The following COMMD4 variants were observed in gnomAD, a reference collection of about 807,000 sequenced individuals.
The protein encoded by COMMD4 is COMM domain-containing protein 4.
Under a neutral mutation model 27.5 loss-of-function variants are expected in COMMD4, and 18 were observed. That is an observed-to-expected ratio of 0.65 (90% CI 0.45 to 0.97). The LOEUF is 0.97. Ranked by LOEUF, COMMD4 falls within the 50% of genes least tolerant of loss-of-function variation. The probability of loss-of-function intolerance (pLI) is 0.00; values close to 1 mark genes in which losing one functional copy is unlikely to be tolerated. For missense variants in COMMD4, 243 were observed against 250.0 expected, an observed-to-expected ratio of 0.97 and a Z score of 0.19; for synonymous variants, 108 against 108.4, an observed-to-expected ratio of 1.00 and a Z score of 0.02.
At chr15:75,341,033 G>A (rs1172394473), downstream of COMMD4, 1 of 152,238 alleles carries the variant, frequency 6.6e-6, no homozygotes, top group Non-Finnish European at 1.5e-5. Context: ...GAATGTTCAT[G>A]TTCCTCCAGA....
At chr15:75,338,622 C>G (rs751084441) in intron 3 of COMMD4, 24 bp from the exon 4 acceptor site, 10 of 1,613,534 alleles carry the variant, frequency 6.2e-6, no homozygotes, top group Middle Eastern at 1.7e-4. Flanking sequence ...CCTGGCACCC[C>G]CTGAAGGTCT....
Position 75,336,069 on chromosome 15 carries a change from G to A in COMMD4, c.-21G>A, listed in dbSNP as rs372819742. On this transcript the variant is annotated 5_prime_UTR_variant, in exon 1 of 8. Coordinates refer to ENST00000267935, the MANE Select transcript of COMMD4 (RefSeq NM_017828.5). Reference sequence around the variant, plus strand: ...TGCGGGACCGGAAAAAGAAATTCCCGGGCCCTGGCTTCTTGGCGCGATGGT... The same window carrying A: ...TGCGGGACCGGAAAAAGAAATTCCCAGGCCCTGGCTTCTTGGCGCGATGGT... 11 of 1,549,548 alleles carry A rather than the reference G, an allele frequency of 7.1e-6. No homozygotes were observed. The African/African-American group carries it at 1.1e-4, about 15-fold the overall frequency.
Position 75,339,343 on chromosome 15 carries a change from C to G in COMMD4, c.381C>G (p.Arg127=). The G allele has an allele frequency of 6.2e-7, 1 of 1,610,976 alleles. No homozygotes were observed. Among genetic ancestry groups the G allele is most frequent in the Non-Finnish European group, 8.5e-7 (1 of 1,179,448 alleles). ...AGCACTTGCGGGTCTGCAGCCTACG[C>G]AGTAAGTATGAGGCCAGCCAGGGTC... ...LQKHLRVCSL[R]MNRLAGVGWR... The change falls in exon 6 of 8, where the codon CGC becomes CGG. Residue 127 remains arginine, a splice_region_variant and synonymous_variant. Coordinates refer to ENST00000267935, the MANE Select transcript of COMMD4 (RefSeq NM_017828.5).
downstream of COMMD4, chr15:75,341,591 G>A (rs751849410): frequency 3.3e-5 from 5 of 152,260 alleles, no homozygotes; most frequent in East Asian, 9.7e-4. Context: ...AGGCACCCTA[G>A]CCTGGCTGGG....
At chr15:75,342,144 A>G (rs2071433616), downstream of COMMD4, 1 of 151,764 alleles carries the variant, frequency 6.6e-6, no homozygotes, top group Non-Finnish European at 1.5e-5. Context: ...AAAAAGCAGA[A>G]GGTTCTGTCA....
intron 1 of COMMD4, 188 bp downstream of exon 1, chr15:75,336,280 C>T (rs1488913443): frequency 2.7e-6 from 4 of 1,489,062 alleles, no homozygotes; most frequent in Admixed American, 2.2e-5. Context: ...GGCGGGGGTA[C>T]GGGGCGGGTA....
Position 75,338,420 on chromosome 15 carries a change from T to C in COMMD4, c.141T>C (p.Asp47=). The stretch of plus-strand genomic sequence containing the variant: ...AGGAGCTGCTGGGACAGGGGATTGA[T>C]GTGAGTACAAGATCCAGCACCCCAT... ...VLKELLGQGI[D]YEKILKLTAD... The change falls in exon 3 of 8, where the codon GAT becomes GAC. Residue 47 remains aspartate (D), a splice_region_variant and synonymous_variant. Transcript: ENST00000267935. The C allele has an allele frequency of 6.2e-7, 1 of 1,604,624 alleles. No individual in the cohort carries two copies. Among genetic ancestry groups the C allele is most frequent in the South Asian group, 1.1e-5 (1 of 89,704 alleles).
chr15:75,336,348 C>T (rs2071186262), intron 1 of COMMD4: 3 of 1,284,528 alleles, frequency 2.3e-6, no homozygotes, highest in Admixed American at 3.0e-5. Flanking sequence ...AAGGAAGGGC[C>T]CCTGCCTCCC....
downstream of COMMD4, chr15:75,342,010 G>A (rs544160818): frequency 7.4e-6 from 1 of 134,274 alleles, no homozygotes; most frequent in South Asian, 2.5e-4. Flanking sequence ...TGAGGCTGCA[G>A]TGAGCTGTGA....
intron 5 of COMMD4, 75 bp downstream of exon 5, chr15:75,339,179 C>T: frequency 6.2e-7 from 1 of 1,612,080 alleles, no homozygotes; most frequent in Non-Finnish European, 8.5e-7. Flanking sequence ...CCCTGTGACC[C>T]TGAGGTGTAC....
chr15:75,336,828 AG>A (rs1446696549), intron 1 of COMMD4: 1 of 152,456 alleles, frequency 6.6e-6, no homozygotes, highest in African/African-American at 2.4e-5. Context: ...TTTGTGTACC[AG>A]GGGTAGGGAG....
At chr15:75,339,169 C>G in intron 5 of COMMD4, 65 bp downstream of exon 5, 1 of 1,612,178 alleles carries the variant, frequency 6.2e-7, no homozygotes, top group Non-Finnish European at 8.5e-7. Context: ...AGGGGACAGG[C>G]CCTGTGACCC....
chr15:75,336,266 C>T lies in COMMD4; in HGVS notation c.3+174C>T, dbSNP rs1484464751. ...GTCCACCACTCTCCCGCTCCCGAGA[C>T]GGGGGCGGGGGTACGGGGCGGGTAA... On this transcript the variant is annotated intron_variant, in intron 1 of 7. Transcript: ENST00000267935. The T allele has an allele frequency of 1.1e-5, 16 of 1,501,954 alleles. No individual in the cohort carries two copies. In the African/African-American group the frequency reaches 2.0e-4, roughly 18 times the overall value. The allele number at this position is 1,501,954 out of a possible 1,614,324, so 93.0% of individuals were successfully genotyped here. A position where few individuals can be genotyped will look rare whatever the true frequency, so the allele number is the denominator to read the frequency against.
At chr15:75,336,172 G>A (rs2071171689) in intron 1 of COMMD4, 80 bp downstream of exon 1, 1 of 1,549,458 alleles carries the variant, frequency 6.5e-7, no homozygotes, top group Non-Finnish European at 8.7e-7. Flanking sequence ...GAAACTGGGG[G>A]AGGTTGTACT....
chr15:75,337,821 A>G (rs1019360450), intron 1 of COMMD4: 23 of 569,596 alleles, frequency 4.0e-5, no homozygotes, highest in African/African-American at 2.8e-4. Flanking sequence ...AAGGTGCTTA[A>G]TTGATGTTTG....
In COMMD4 at chr15:75,340,101, G is replaced by T; in HGVS notation, c.*96G>T. On this transcript the variant is annotated 3_prime_UTR_variant, in exon 8 of 8. Transcript: ENST00000267935. ...CGGGAGGCAGCCCTGGTTCTAGGAT[G>T]CTGAGGCCCTGGCCCGGACTCTGGC... 6.9e-7 allele frequency: 1 copy of T among 1,448,752 alleles called. No individual in the cohort carries two copies. The allele number at this position is 1,448,752 out of a possible 1,614,324, so 89.7% of individuals were successfully genotyped here.
At position 75,339,559 on chromosome 15, in the gene COMMD4, C is replaced by T. The variant is rs963835718; in HGVS notation, c.383-143C>T. 2.2e-5 allele frequency: 25 copies of T among 1,146,656 alleles called. No individual in the cohort carries two copies. The Admixed American group carries it at 5.8e-4, about 27-fold the overall frequency. 71.0% of individuals were successfully genotyped at this position (1,146,656 alleles called of 1,614,324 possible). ...TCAGAACTGATTATCGGGCACCTGC[C>T]CTGTTCTGAGCCTGGGTCAGCAGGA... On this transcript the variant is annotated intron_variant, in intron 6 of 7. Transcript: ENST00000267935.
chr15:75,339,443 C>G, intron 6 of COMMD4, 99 bp downstream of exon 6: 1 of 1,519,204 alleles, frequency 6.6e-7, no homozygotes, highest in Non-Finnish European at 8.9e-7. Context: ...ACCACGGTCA[C>G]ATGGTTACTA....
At chr15:75,339,452 T>C in intron 6 of COMMD4, 108 bp downstream of exon 6, 1 of 1,479,440 alleles carries the variant, frequency 6.8e-7, no homozygotes. Context: ...ACATGGTTAC[T>C]AGCAGCCGTA....
Sources: allele counts gnomAD v4.1 joint callset, GRCh38; gene constraint gnomAD v4.1.1; transcripts MANE v1.5; gene names NCBI Gene and HGNC (gene_info 2026-07-23, HGNC 2026-07-21).